Variants in CPEB3 observed in about 807,000 individuals in gnomAD.
CPEB3 encodes the protein cytoplasmic polyadenylation element-binding protein 3.
CPEB3 carries 20 observed loss-of-function variants against 67.2 expected under a neutral mutation model. That is an observed-to-expected ratio of 0.30 (90% CI 0.21 to 0.43). CPEB3 has a LOEUF of 0.43. CPEB3 is among the 20% of genes least tolerant of loss of function. CPEB3 has a pLI of 1.00. For synonymous variants in CPEB3, 376 were observed against 393.1 expected, an observed-to-expected ratio of 0.96 and a Z score of 0.51; for missense variants, 746 against 968.6, an observed-to-expected ratio of 0.77 and a Z score of 3.05.
chr10:92,120,281 CAAACAAAA>C, intron 6 of CPEB3, among the ~76,000 whole-genome samples: 1 of 139,872 alleles, frequency 7.1e-6, no homozygotes, highest in Non-Finnish European at 1.6e-5. Context: ...AACAAACAAA[CAAACAAAA>C]AACCAAATTG....
intron 6 of CPEB3, among the ~76,000 whole-genome samples, chr10:92,142,765 T>C (rs1290913521): frequency 2.6e-5 from 4 of 152,148 alleles, no homozygotes; most frequent in Non-Finnish European, 5.9e-5. Flanking sequence ...TTCAAAATAA[T>C]GAAAATTAGC....
At chr10:92,204,542 C>T (rs1240148377) in intron 2 of CPEB3, among the ~76,000 whole-genome samples, 4 of 152,032 alleles carry the variant, frequency 2.6e-5, no homozygotes, top group African/African-American at 4.8e-5. Flanking sequence ...TGTACATGTT[C>T]GTATATTTTA....
chr10:92,050,774 G>A lies in CPEB3; in HGVS notation c.*1438C>T, dbSNP rs1841871168. On this transcript the variant is annotated 3_prime_UTR_variant, in exon 10 of 10. Coordinates refer to ENST00000265997, the MANE Select transcript of CPEB3 (RefSeq NM_014912.5). ...ACTTTCTTAAAAATGTGCCTAGTTTGTCAATCTGACAACTTATCTCTATAT... is the reference window on the plus strand; with the variant it reads ...ACTTTCTTAAAAATGTGCCTAGTTTATCAATCTGACAACTTATCTCTATAT... 6.6e-6 allele frequency: 1 copy of A among 152,610 alleles called. No homozygotes were observed. The highest frequency in any genetic ancestry group is 6.5e-5 in the Admixed American group (1 of 15,274). 9.5% of individuals were successfully genotyped at this position (152,610 alleles called of 1,614,324 possible).
chr10:92,191,789 A>AAAAGTCCT (rs1488640422), intron 3 of CPEB3, among the ~76,000 whole-genome samples: 41 of 152,386 alleles, frequency 2.7e-4, no homozygotes, highest in African/African-American at 9.1e-4. Context: ...AAGGTATCTA[A>AAAAGTCCT]AAAGTCCTAT....
At chr10:92,196,958 TTC>T (rs1232226171) in intron 2 of CPEB3, among the ~76,000 whole-genome samples, 1 of 151,118 alleles carries the variant, frequency 6.6e-6, no homozygotes, top group Non-Finnish European at 1.5e-5. Flanking sequence ...TAGGGGATAA[TTC>T]TCTCTTCATG....
At chr10:92,181,068 T>G (rs766825880) in intron 3 of CPEB3, 49 bp from the exon 4 acceptor site, 38 of 945,454 alleles carry the variant, frequency 4.0e-5, no homozygotes, top group Non-Finnish European at 6.3e-5. Context: ...ATGTAATCAT[T>G]TCAAACACAT....
At chr10:92,106,856 GA>G (rs956376732) in intron 7 of CPEB3, among the ~76,000 whole-genome samples, 1 of 117,868 alleles carries the variant, frequency 8.5e-6, no homozygotes, top group African/African-American at 3.4e-5. Context: ...AAAGAAAAAA[GA>G]AAAAAAGAAA....
chr10:92,160,252 A>T (rs577225572), intron 4 of CPEB3, among the ~76,000 whole-genome samples: 1 of 152,106 alleles, frequency 6.6e-6, no homozygotes, highest in Non-Finnish European at 1.5e-5. Flanking sequence ...GCTGAAAAAA[A>T]TCTCTTCTGA....
chr10:92,092,166 T>A (rs1050322772), intron 7 of CPEB3, among the ~76,000 whole-genome samples: 2 of 152,196 alleles, frequency 1.3e-5, no homozygotes, highest in African/African-American at 4.8e-5. Context: ...ACATATGACA[T>A]ATACCATGAA....
At chr10:92,177,494 C>T (rs759338478) in intron 4 of CPEB3, among the ~76,000 whole-genome samples, 1 of 152,126 alleles carries the variant, frequency 6.6e-6, no homozygotes, top group African/African-American at 2.4e-5. Flanking sequence ...GGCTGGCCTG[C>T]CAATTCTTAC....
At chr10:92,119,929 T>G (rs1383747952) in intron 6 of CPEB3, among the ~76,000 whole-genome samples, 1 of 151,946 alleles carries the variant, frequency 6.6e-6, no homozygotes, top group Non-Finnish European at 1.5e-5. Context: ...TGCAAGTTGT[T>G]GTATCCCTTG....
chr10:92,216,704 T>TG (rs1286676203), intron 2 of CPEB3: 1 of 1,605,550 alleles, frequency 6.2e-7, no homozygotes, highest in African/African-American at 1.3e-5. Flanking sequence ...GCGCCCCACC[T>TG]GTGTGATAAT....
intron 6 of CPEB3, chr10:92,118,914 T>G (rs1845182340): frequency 1.9e-6 from 2 of 1,039,156 alleles, no homozygotes; most frequent in Non-Finnish European, 1.5e-6. Context: ...CTTTTTGGCA[T>G]GTCAGCCCTG....
intron 2 of CPEB3, among the ~76,000 whole-genome samples, chr10:92,221,573 G>C (rs143509551): frequency 1.3e-5 from 2 of 152,226 alleles, no homozygotes; most frequent in African/African-American, 4.8e-5. Flanking sequence ...TTGCTGCTGT[G>C]GTCTGAATGT....
At chr10:92,271,618 G>T (rs141770625) in intron 1 of CPEB3, among the ~76,000 whole-genome samples, 70 of 152,278 alleles carry the variant, frequency 4.6e-4, no homozygotes, top group Non-Finnish European at 9.0e-4. Context: ...TCACATAAGT[G>T]ATGTTGCGTC....
At chr10:92,282,721 T>C (rs557949920) in intron 1 of CPEB3, among the ~76,000 whole-genome samples, 1 of 152,024 alleles carries the variant, frequency 6.6e-6, no homozygotes, top group African/African-American at 2.4e-5. Flanking sequence ...ATACCGTAGA[T>C]GTTAAACCAG....
intron 4 of CPEB3, among the ~76,000 whole-genome samples, chr10:92,168,886 C>T (rs1847875651): frequency 6.7e-6 from 1 of 149,282 alleles, no homozygotes; most frequent in African/African-American, 2.5e-5. Flanking sequence ...ACCTCTGCCT[C>T]CCAGGTTCAA....
intron 6 of CPEB3, among the ~76,000 whole-genome samples, chr10:92,139,465 G>C (rs972274222): frequency 1.5e-5 from 2 of 129,198 alleles, no homozygotes; most frequent in Non-Finnish European, 3.1e-5. Flanking sequence ...GCATTTGTGA[G>C]AACTAAAAAT....
chr10:92,167,410 T>C (rs1399605904), intron 4 of CPEB3, among the ~76,000 whole-genome samples: 1 of 152,220 alleles, frequency 6.6e-6, no homozygotes, highest in African/African-American at 2.4e-5. Flanking sequence ...TGTGCAACTC[T>C]TTCTTTCACT....
Sources: allele counts gnomAD v4.1 joint callset (sites outside exome capture counted in the v4.1 genomes callset), GRCh38; gene constraint gnomAD v4.1.1; transcripts MANE v1.5; gene names NCBI Gene and HGNC (gene_info 2026-07-23, HGNC 2026-07-21).